Variants in TP53BP1 observed in about 807,000 individuals in gnomAD.
TP53BP1 encodes the protein tumor protein p53 binding protein 1.
TP53BP1 carries 61 observed loss-of-function variants against 200.8 expected under a neutral mutation model. The observed-to-expected ratio is 0.30, with a 90% CI of 0.25 to 0.38. TP53BP1 has a LOEUF of 0.38. Among genes scored for constraint, TP53BP1 ranks in the 10% least tolerant of loss-of-function variants. The pLI is 1.00. For missense variants in TP53BP1, 2,144 were observed against 2,371.9 expected, an observed-to-expected ratio of 0.90 and a Z score of 2.00; for synonymous variants, 822 against 844.3, an observed-to-expected ratio of 0.97 and a Z score of 0.46.
Position 43,470,111 on chromosome 15 carries a change from A to C in TP53BP1, c.1181-45T>G, listed in dbSNP as rs755375597. 3.4e-6 allele frequency: 5 copies of C among 1,474,076 alleles called. No homozygotes were observed. The Admixed American group carries it at 8.4e-5, about 25-fold the overall frequency. The allele number at this position is 1,474,076 out of a possible 1,614,324, so 91.3% of individuals were successfully genotyped here. A position where few individuals can be genotyped will look rare whatever the true frequency, so the allele number is the denominator to read the frequency against. On this transcript the variant is annotated intron_variant, in intron 10 of 27. Transcript: ENST00000382044. ...ACAAATTGAGAAATATCACTCATCAATATTACTCATGTTCCAAAACCACTA... is the reference window on the plus strand; with the variant it reads ...ACAAATTGAGAAATATCACTCATCACTATTACTCATGTTCCAAAACCACTA...
chr15:43,495,230 T>C (rs1164462073), upstream of TP53BP1, among the ~76,000 whole-genome samples: 1 of 152,016 alleles, frequency 6.6e-6, no homozygotes, highest in African/African-American at 2.4e-5. Flanking sequence ...CCAGGCGCAG[T>C]GGCTCACACC....
intron 4 of TP53BP1, among the ~76,000 whole-genome samples, chr15:43,486,115 G>C: frequency 6.6e-6 from 1 of 151,682 alleles, no homozygotes; most frequent in Non-Finnish European, 1.5e-5. Context: ...GGTGCCTCAC[G>C]CCCGTAATCC....
rs1026535530 is a variant in TP53BP1 at position 43,493,131 on chromosome 15, C to A, written c.-88G>T. On this transcript the variant is annotated 5_prime_UTR_variant, in exon 1 of 28. Coordinates refer to ENST00000382044, the MANE Select transcript of TP53BP1 (RefSeq NM_001141980.3). ...ATCGATCCCTAGGTCGCCGCTGTCG[C>A]CACCGCCGCCACCGGCCGCGAACTC... The A allele has an allele frequency of 1.5e-5, 23 of 1,582,710 alleles. No homozygotes were observed. The highest frequency in any genetic ancestry group is 6.7e-5 in the African/African-American group (5 of 74,092).
intron 4 of TP53BP1, among the ~76,000 whole-genome samples, chr15:43,487,694 G>A (rs1179003740): frequency 2.0e-5 from 3 of 151,654 alleles, no homozygotes; most frequent in African/African-American, 4.9e-5. Context: ...TCAGGATGCT[G>A]AGGCTGAAGA....
At chr15:43,423,446 T>G (rs1186817631) in intron 18 of TP53BP1, among the ~76,000 whole-genome samples, 1 of 151,594 alleles carries the variant, frequency 6.6e-6, no homozygotes, top group Non-Finnish European at 1.5e-5. Context: ...TCACTTGAGG[T>G]CAGGAGTTCA....
intron 4 of TP53BP1, among the ~76,000 whole-genome samples, chr15:43,481,631 A>G (rs1287860765): frequency 2.0e-5 from 3 of 151,812 alleles, no homozygotes; most frequent in Non-Finnish European, 4.4e-5. Context: ...CCTGGCTAAC[A>G]TGGTGAAACC....
At chr15:43,493,259 T>C (rs2079155035), upstream of TP53BP1, 2 of 1,416,490 alleles carry the variant, frequency 1.4e-6, no homozygotes, top group East Asian at 5.1e-5. Context: ...CAGAGTGCCC[T>C]GCCCCACGTA....
chr15:43,477,282 A>T (rs1430829055), intron 8 of TP53BP1, among the ~76,000 whole-genome samples: 3 of 149,414 alleles, frequency 2.0e-5, no homozygotes, highest in African/African-American at 7.6e-5. Context: ...CCTGGGTGAC[A>T]GAGTGAGACT....
At chr15:43,418,563 G>T (rs1181788864) in intron 21 of TP53BP1, among the ~76,000 whole-genome samples, 2 of 150,994 alleles carry the variant, frequency 1.3e-5, no homozygotes, top group Non-Finnish European at 2.9e-5. Flanking sequence ...GCCAATCCAT[G>T]TTCAAAAAGT....
At chr15:43,428,271 C>G in intron 17 of TP53BP1, 103 bp from the exon 18 acceptor site, 1 of 1,001,764 alleles carries the variant, frequency 1.0e-6, no homozygotes, top group Non-Finnish European at 1.5e-6. Flanking sequence ...CTCCATGAAT[C>G]TAGTGTGACA....
Position 43,470,025 on chromosome 15 carries a change from C to A in TP53BP1, c.1222G>T (p.Glu408Ter). ...DTSVLSEEGG[E>*]PFQKKLQSGE... is the part of the protein sequence containing the mutation. Reference sequence around the variant, plus strand: ...CTTTGAAGTTTCTTCTGAAAAGGCTCTCCTCCTTCTTCAGATAACACTGAC... The same window carrying A: ...CTTTGAAGTTTCTTCTGAAAAGGCTATCCTCCTTCTTCAGATAACACTGAC... Residue 408 changes from glutamate to a stop codon, truncating the protein, a stop_gained, in exon 11 of 28, where the codon GAG (glutamate) becomes TAG (stop). Coordinates refer to ENST00000382044, the MANE Select transcript of TP53BP1 (RefSeq NM_001141980.3). LOFTEE classifies it high-confidence loss of function. 1 of 1,613,368 alleles carries A rather than the reference C, an allele frequency of 6.2e-7. No homozygotes were observed. Among genetic ancestry groups the A allele is most frequent in the Non-Finnish European group, 8.5e-7 (1 of 1,180,000 alleles).
At chr15:43,491,435 A>C (rs2079120863) in intron 4 of TP53BP1, among the ~76,000 whole-genome samples, 1 of 152,068 alleles carries the variant, frequency 6.6e-6, no homozygotes. Context: ...ATTTTGTTTC[A>C]CATGCACAAG....
intron 17 of TP53BP1, among the ~76,000 whole-genome samples, chr15:43,430,180 T>C (rs1464702880): frequency 1.3e-5 from 2 of 152,226 alleles, no homozygotes; most frequent in Non-Finnish European, 2.9e-5. Context: ...CCCTTCCACC[T>C]GGTTCCACGT....
intron 18 of TP53BP1, among the ~76,000 whole-genome samples, chr15:43,423,761 C>T (rs955255526): frequency 5.3e-4 from 80 of 152,100 alleles, no homozygotes; most frequent in African/African-American, 1.9e-3. Flanking sequence ...TCTGATCCCT[C>T]CCTTCTTGAA....
chr15:43,433,815 T>G (rs1595549407), intron 16 of TP53BP1, among the ~76,000 whole-genome samples: 1 of 152,144 alleles, frequency 6.6e-6, no homozygotes, highest in East Asian at 1.9e-4. Flanking sequence ...GCCTAGAAAC[T>G]ATGTCATATG....
chr15:43,431,953 A>C (rs2045680221), intron 17 of TP53BP1, among the ~76,000 whole-genome samples: 1 of 152,236 alleles, frequency 6.6e-6, no homozygotes, highest in East Asian at 1.9e-4. Context: ...TCTCCAGTAA[A>C]GACCTACCTA....
intron 3 of TP53BP1, 88 bp downstream of exon 3, chr15:43,491,914 G>A: frequency 5.0e-6 from 6 of 1,190,990 alleles, no homozygotes; most frequent in South Asian, 1.2e-5. Flanking sequence ...ACATACATTC[G>A]ACACAACCAC....
Position 43,403,891 on chromosome 15 carries a change from G to T in TP53BP1, c.*3492C>A, listed in dbSNP as rs190057676. 5.4e-5 allele frequency: 48 copies of T among 887,714 alleles called. No individual in the cohort carries two copies. In the African/African-American group the frequency reaches 7.2e-4, roughly 13 times the overall value. The allele number at this position is 887,714 out of a possible 1,614,324, so 55.0% of individuals were successfully genotyped here. ...ATGATCTTTCCTCTGAGTCAGTAAA[G>T]CATTTCCTCAATACACACACGTACA... On this transcript the variant is annotated 3_prime_UTR_variant, in exon 28 of 28. Coordinates refer to ENST00000382044, the MANE Select transcript of TP53BP1 (RefSeq NM_001141980.3).
intron 21 of TP53BP1, among the ~76,000 whole-genome samples, chr15:43,418,794 A>C (rs890305783): frequency 6.6e-6 from 1 of 152,264 alleles, no homozygotes; most frequent in Non-Finnish European, 1.5e-5. Context: ...GTGCAGTCAT[A>C]CAGACACAGC....
Sources: allele counts gnomAD v4.1 joint callset (sites outside exome capture counted in the v4.1 genomes callset), GRCh38; gene constraint gnomAD v4.1.1; transcripts MANE v1.5; gene names NCBI Gene and HGNC (gene_info 2026-07-23, HGNC 2026-07-21).